The following FRMD4A variants were observed in gnomAD, a reference collection of about 807,000 sequenced individuals.
The protein encoded by FRMD4A is FERM domain-containing protein 4A.
In FRMD4A, 29 loss-of-function variants were observed where a neutral mutation model predicts 129.1. That is an observed-to-expected ratio of 0.22 (90% CI 0.17 to 0.31). The LOEUF is 0.31. FRMD4A is among the 10% of genes least tolerant of loss of function. The pLI, the probability that FRMD4A is intolerant of heterozygous loss-of-function variation, is 1.00. For missense variants in FRMD4A, 1,272 were observed against 1,375.8 expected, an observed-to-expected ratio of 0.92 and a Z score of 1.19; for synonymous variants, 634 against 571.6, an observed-to-expected ratio of 1.11 and a Z score of -1.56.
intron 2 of FRMD4A, among the ~76,000 whole-genome samples, chr10:14,259,764 T>C (rs1347991580): frequency 2.0e-5 from 3 of 152,170 alleles, no homozygotes; most frequent in Admixed American, 2.0e-4. Flanking sequence ...GACTGCTATT[T>C]TTCCATGCAG....
intron 2 of FRMD4A, among the ~76,000 whole-genome samples, chr10:14,122,208 T>C (rs1176575220): frequency 1.3e-5 from 2 of 152,150 alleles, no homozygotes; most frequent in South Asian, 2.1e-4. Flanking sequence ...AGAAAATGCA[T>C]ATAAAGCATC....
intron 2 of FRMD4A, among the ~76,000 whole-genome samples, chr10:14,036,843 C>T (rs1285454242): frequency 6.6e-6 from 1 of 152,150 alleles, no homozygotes; most frequent in East Asian, 1.9e-4. Context: ...GCCTCAGCCT[C>T]CCAAAGTGGC....
intron 16 of FRMD4A, among the ~76,000 whole-genome samples, chr10:13,674,473 C>A (rs1324020670): frequency 6.6e-6 from 1 of 152,158 alleles, no homozygotes; most frequent in African/African-American, 2.4e-5. Context: ...GCTTCATCAA[C>A]CAATTCTTTG....
chr10:14,075,749 T>C (rs1835555156), intron 2 of FRMD4A, among the ~76,000 whole-genome samples: 1 of 5,558 alleles, frequency 1.8e-4, no homozygotes, highest in South Asian at 7.8e-3. Context: ...GTATATTTTA[T>C]ATTTATACAC....
intron 2 of FRMD4A, among the ~76,000 whole-genome samples, chr10:14,217,038 G>C (rs12252909): frequency 1.3e-5 from 2 of 152,128 alleles, no homozygotes; most frequent in South Asian, 2.1e-4. Flanking sequence ...CACCGAACAG[G>C]GGGGCATGGC....
At chr10:13,688,381 C>A (rs918849699) in intron 15 of FRMD4A, among the ~76,000 whole-genome samples, 6 of 151,768 alleles carry the variant, frequency 4.0e-5, no homozygotes, top group African/African-American at 7.3e-5. Flanking sequence ...ACATCACACA[C>A]TGGGGACTGT....
At chr10:14,300,127 G>A (rs914095795) in intron 2 of FRMD4A, among the ~76,000 whole-genome samples, 2 of 151,916 alleles carry the variant, frequency 1.3e-5, no homozygotes, top group African/African-American at 4.8e-5. Flanking sequence ...CAATAGCTCT[G>A]TTTTCCCTCT....
intron 2 of FRMD4A, among the ~76,000 whole-genome samples, chr10:14,327,967 C>T (rs903558249): frequency 1.5e-4 from 23 of 152,160 alleles, no homozygotes; most frequent in South Asian, 6.2e-4. Context: ...CTTTCCTCCT[C>T]GGCTTGCTTA....
At chr10:14,147,785 G>C (rs987034852) in intron 2 of FRMD4A, among the ~76,000 whole-genome samples, 4 of 152,050 alleles carry the variant, frequency 2.6e-5, no homozygotes, top group African/African-American at 7.2e-5. Context: ...CCACGGACTG[G>C]TACTGGTCCA....
chr10:13,860,482 C>G (rs1201028845), intron 2 of FRMD4A, among the ~76,000 whole-genome samples: 1 of 152,192 alleles, frequency 6.6e-6, no homozygotes, highest in Non-Finnish European at 1.5e-5. Flanking sequence ...CATAAGTTTC[C>G]TTCCTTGTAT....
chr10:14,258,332 A>T lies in FRMD4A; in HGVS notation c.45+71726T>A, dbSNP rs186625567. On this transcript the variant is annotated intron_variant, in intron 2 of 24. Coordinates refer to ENST00000357447, the MANE Select transcript of FRMD4A (RefSeq NM_018027.5). ...TAAAGGGGTTTTAACTAAAAAAAAA[A>T]AGAACTCTCAAAATTATATAATAAG... Among the ~76,000 whole-genome samples the T allele has an allele frequency of 4.5e-4, 69 of 151,778 alleles. No individual in the cohort carries two copies. The East Asian group carries it at 0.013, about 28-fold the overall frequency.
chr10:14,118,001 C>T (rs1409747), intron 2 of FRMD4A, among the ~76,000 whole-genome samples: 25,605 of 152,066 alleles, frequency 0.17, 2,223 homozygotes, highest in Non-Finnish European at 0.2. Context: ...TTCCTGGCTA[C>T]GGAAGTGTGG....
intron 16 of FRMD4A, among the ~76,000 whole-genome samples, chr10:13,671,531 T>A (rs1368510130): frequency 6.6e-6 from 1 of 152,186 alleles, no homozygotes; most frequent in Non-Finnish European, 1.5e-5. Flanking sequence ...AACACTTGTT[T>A]TGTGTATTTT....
intron 3 of FRMD4A, among the ~76,000 whole-genome samples, chr10:13,852,539 T>C (rs2094154151): frequency 6.6e-6 from 1 of 152,222 alleles, no homozygotes; most frequent in Non-Finnish European, 1.5e-5. Context: ...TTTAATTTTT[T>C]TAGCCATATT....
chr10:14,035,071 G>A (rs1833432516), intron 2 of FRMD4A, among the ~76,000 whole-genome samples: 1 of 152,120 alleles, frequency 6.6e-6, no homozygotes, highest in South Asian at 2.1e-4. Context: ...ATACCGGGGG[G>A]ACCAACCTAT....
At chr10:13,795,108 G>A (rs963597637) in intron 5 of FRMD4A, among the ~76,000 whole-genome samples, 8 of 152,142 alleles carry the variant, frequency 5.3e-5, no homozygotes, top group African/African-American at 1.9e-4. Context: ...CAGGGAGGTG[G>A]GGAGAGCCTG....
chr10:14,146,320 T>C (rs1277784482), intron 2 of FRMD4A, among the ~76,000 whole-genome samples: 1 of 152,174 alleles, frequency 6.6e-6, no homozygotes, highest in Non-Finnish European at 1.5e-5. Context: ...ACGTGGAAAA[T>C]AGCCAGGATG....
chr10:14,251,189 A>G (rs1195743953), intron 2 of FRMD4A, among the ~76,000 whole-genome samples: 1 of 152,204 alleles, frequency 6.6e-6, no homozygotes, highest in Admixed American at 6.5e-5. Context: ...CTAACTATTC[A>G]ATAGACTATT....
At chr10:13,928,514 G>T (rs908631411) in intron 2 of FRMD4A, among the ~76,000 whole-genome samples, 1 of 152,090 alleles carries the variant, frequency 6.6e-6, no homozygotes, top group Non-Finnish European at 1.5e-5. Context: ...TTTTAAAGCC[G>T]TGGGATTAAA....
Sources: gnomAD v4.1 joint callset for allele counts (sites outside exome capture counted in the v4.1 genomes callset) on GRCh38, gnomAD v4.1.1 for gene constraint, MANE v1.5 for transcripts, NCBI Gene and HGNC (gene_info 2026-07-23, HGNC 2026-07-21) for gene names.